The following NAALADL2 variants were observed in gnomAD, a reference collection of about 807,000 sequenced individuals.
NAALADL2 encodes the protein inactive N-acetylated-alpha-linked acidic dipeptidase-like protein 2.
Under a neutral mutation model 87.2 loss-of-function variants are expected in NAALADL2, and 76 were observed. That is an observed-to-expected ratio of 0.87 (90% CI 0.72 to 1.05). The LOEUF is 1.05. Ranked by LOEUF, NAALADL2 falls within the 50% of genes least tolerant of loss-of-function variation. NAALADL2 has a pLI of 0.00. For synonymous variants in NAALADL2, 354 were observed against 331.0 expected (o/e 1.07, Z -0.75); for missense variants, 1,089 against 945.8 (o/e 1.15, Z -1.99).
chr3:174,577,013 G>C (rs573857383), intron 2 of NAALADL2, among the ~76,000 whole-genome samples: 2 of 151,984 alleles, frequency 1.3e-5, no homozygotes, highest in African/African-American at 4.8e-5. Context: ...TATAAAGAAA[G>C]TAGAAAAACA....
At chr3:175,637,601 G>C (rs1015608804) in intron 11 of NAALADL2, among the ~76,000 whole-genome samples, 1 of 152,170 alleles carries the variant, frequency 6.6e-6, no homozygotes, top group East Asian at 1.9e-4. Context: ...TTGCTCTCTT[G>C]CTTGCTCTCA....
intron 3 of NAALADL2, among the ~76,000 whole-genome samples, chr3:175,238,526 CTAAA>C (rs1479196684): frequency 3.9e-5 from 6 of 152,016 alleles, no homozygotes; most frequent in Non-Finnish European, 8.8e-5. Context: ...ATCTATTATA[CTAAA>C]TACATATTGA....
At chr3:174,662,970 G>T (rs187267249) in intron 2 of NAALADL2, among the ~76,000 whole-genome samples, 70 of 152,178 alleles carry the variant, frequency 4.6e-4, no homozygotes, top group Non-Finnish European at 6.8e-4. Context: ...AAAGCAGGGA[G>T]GTTTTTAGTG....
At chr3:175,567,122 C>A (rs1223370542) in intron 9 of NAALADL2, among the ~76,000 whole-genome samples, 1 of 152,108 alleles carries the variant, frequency 6.6e-6, no homozygotes, top group African/African-American at 2.4e-5. Flanking sequence ...TACTTAGATG[C>A]AACAGTTTGG....
At chr3:175,031,966 G>T (rs1752847048) in intron 1 of NAALADL2, among the ~76,000 whole-genome samples, 1 of 151,714 alleles carries the variant, frequency 6.6e-6, no homozygotes, top group Non-Finnish European at 1.5e-5. Flanking sequence ...GGGGTTATTT[G>T]TTTTTTCTTA....
intron 9 of NAALADL2, among the ~76,000 whole-genome samples, chr3:175,497,931 T>A (rs1729033221): frequency 6.6e-6 from 1 of 152,124 alleles, no homozygotes; most frequent in Non-Finnish European, 1.5e-5. Context: ...ATAGTGCCTC[T>A]CTCAGAAAAA....
intron 1 of NAALADL2, among the ~76,000 whole-genome samples, chr3:174,450,175 C>T (rs903332930): frequency 1.1e-4 from 17 of 151,964 alleles, no homozygotes; most frequent in Non-Finnish European, 1.5e-5. Flanking sequence ...AATTTGTTAC[C>T]AAAACACCAA....
At chr3:174,511,837 T>A (rs960904940) in intron 1 of NAALADL2, among the ~76,000 whole-genome samples, 1 of 152,124 alleles carries the variant, frequency 6.6e-6, no homozygotes, top group African/African-American at 2.4e-5. Flanking sequence ...TAGTGTTTAC[T>A]CCAAAGTTGA....
At chr3:175,007,927 G>A (rs781012366) in intron 1 of NAALADL2, among the ~76,000 whole-genome samples, 10 of 151,984 alleles carry the variant, frequency 6.6e-5, no homozygotes, top group Non-Finnish European at 1.3e-4. Flanking sequence ...AGCCACCATC[G>A]ATCTGATAAC....
intron 6 of NAALADL2, among the ~76,000 whole-genome samples, chr3:175,449,514 C>T (rs1721227662): frequency 6.6e-6 from 1 of 151,550 alleles, no homozygotes; most frequent in South Asian, 2.1e-4. Flanking sequence ...TCGCCTCAGC[C>T]TCCCAAGTAG....
chr3:175,135,796 T>A (rs1401952715), intron 2 of NAALADL2, among the ~76,000 whole-genome samples: 1 of 152,176 alleles, frequency 6.6e-6, no homozygotes, highest in Non-Finnish European at 1.5e-5. Context: ...AATAAGTATG[T>A]ATTTAAGTAG....
At chr3:174,881,300 A>G (rs924139114) in intron 1 of NAALADL2, among the ~76,000 whole-genome samples, 2 of 152,106 alleles carry the variant, frequency 1.3e-5, no homozygotes, top group South Asian at 2.1e-4. Context: ...TTAATTCTAC[A>G]ATAAGTTACT....
intron 2 of NAALADL2, among the ~76,000 whole-genome samples, chr3:174,728,398 T>C (rs960118528): frequency 2.0e-5 from 3 of 152,058 alleles, no homozygotes; most frequent in African/African-American, 7.2e-5. Flanking sequence ...AGAAGTTATG[T>C]ATTAGGATAC....
At chr3:174,754,765 GTGGTT>G (rs1297513891) in intron 3 of NAALADL2, among the ~76,000 whole-genome samples, 1 of 152,150 alleles carries the variant, frequency 6.6e-6, no homozygotes, top group African/African-American at 2.4e-5. Flanking sequence ...ATCTATAATT[GTGGTT>G]TTTAATCTTT....
intron 9 of NAALADL2, among the ~76,000 whole-genome samples, chr3:175,572,263 A>G (rs1181192764): frequency 1.3e-5 from 2 of 152,110 alleles, no homozygotes; most frequent in East Asian, 3.9e-4. Context: ...CAGTCACTCA[A>G]CCCTCTTTTT....
chr3:175,757,711 G>C (rs559143886), intron 13 of NAALADL2, among the ~76,000 whole-genome samples: 6 of 152,110 alleles, frequency 3.9e-5, no homozygotes, highest in Admixed American at 3.3e-4. Flanking sequence ...GTCACCTTAA[G>C]TTACCTTCCT....
intron 5 of NAALADL2, among the ~76,000 whole-genome samples, chr3:175,367,354 C>G (rs1291430490): frequency 2.3e-5 from 3 of 133,086 alleles, no homozygotes; most frequent in Admixed American, 7.7e-5. Context: ...CTCTTTTTTG[C>G]TTCCATATGA....
intron 4 of NAALADL2, among the ~76,000 whole-genome samples, chr3:175,322,984 C>G (rs1461019485): frequency 2.6e-5 from 4 of 151,986 alleles, no homozygotes; most frequent in East Asian, 3.9e-4. Context: ...CATCCCATTA[C>G]TGGGTATATA....
chr3:175,698,530 A>G (rs915740537), intron 11 of NAALADL2, among the ~76,000 whole-genome samples: 3 of 142,324 alleles, frequency 2.1e-5, no homozygotes, highest in African/African-American at 8.0e-5. Context: ...TCCTATGTAC[A>G]TAGAGTGCAG....
Sources: gnomAD v4.1 joint callset for allele counts (sites outside exome capture counted in the v4.1 genomes callset) on GRCh38, gnomAD v4.1.1 for gene constraint, MANE v1.5 for transcripts, NCBI Gene and HGNC (gene_info 2026-07-23, HGNC 2026-07-21) for gene names.